Variants in OPCML observed in about 807,000 individuals in gnomAD.
The protein encoded by OPCML is opioid-binding protein/cell adhesion molecule.
OPCML carries 13 observed loss-of-function variants against 37.8 expected under a neutral mutation model. The ratio of observed to expected loss-of-function variants is 0.34; its 90% CI spans 0.22 to 0.55. The LOEUF is 0.55. Ranked by LOEUF, OPCML falls within the 20% of genes least tolerant of loss-of-function variation. The pLI is 0.91. For synonymous variants in OPCML, 176 were observed against 168.8 expected (o/e 1.04, Z -0.33); for missense variants, 341 against 435.6 (o/e 0.78, Z 1.93).
rs545501966 is a variant in OPCML, at chr11:133,212,028, C to G, written c.62-269018G>C. Among the ~76,000 whole-genome samples the G allele has an allele frequency of 1.1e-4, 17 of 152,246 alleles. No homozygotes were observed. The highest frequency in any genetic ancestry group is 4.1e-4 in the African/African-American group (17 of 41,544). Reference sequence around the variant, plus strand: ...CCTGATAGCAGATTGACCGTGCCAGCTGTCACTTTTACAATCTCCATCACT... The same window carrying G: ...CCTGATAGCAGATTGACCGTGCCAGGTGTCACTTTTACAATCTCCATCACT... On this transcript the variant is annotated intron_variant, in intron 1 of 7. Coordinates refer to ENST00000524381, the MANE Select transcript of OPCML (RefSeq NM_001012393.5). This position sits in a 1 kb window ranked among gnomAD's most constrained non-coding sequence, Gnocchi z 4.9.
chr11:133,465,729 C>A (rs1043328563), intron 1 of OPCML, among the ~76,000 whole-genome samples: 1 of 152,140 alleles, frequency 6.6e-6, no homozygotes, highest in Admixed American at 6.6e-5. Flanking sequence ...TGAACTTGGG[C>A]AGACAATGTA....
rs140856695 is a variant in OPCML, at chr11:133,104,277, C to T, written c.62-161267G>A. Among the ~76,000 whole-genome samples, 145 of 152,268 alleles carry T rather than the reference C, an allele frequency of 9.5e-4. 2 individuals are homozygous for T. In the East Asian group the frequency reaches 0.024, roughly 26 times the overall value. ...CAGGCAGCAGGAGCTGTCCAGAGTA[C>T]GGAAGAGTCATCATAAATTCCTCCC... On this transcript the variant is annotated intron_variant, in intron 1 of 7. Coordinates refer to ENST00000524381, the MANE Select transcript of OPCML (RefSeq NM_001012393.5).
intron 2 of OPCML, among the ~76,000 whole-genome samples, chr11:132,881,388 G>T (rs1253869527): frequency 2.0e-5 from 3 of 152,194 alleles, no homozygotes; most frequent in Non-Finnish European, 4.4e-5. Flanking sequence ...GAAGGGGCAT[G>T]AAGCACAAAC....
chr11:132,891,455 T>C (rs1370550968), intron 2 of OPCML, among the ~76,000 whole-genome samples: 2 of 152,148 alleles, frequency 1.3e-5, no homozygotes, highest in African/African-American at 4.8e-5. Context: ...AATAAACAAA[T>C]TAGAATATAA....
intron 4 of OPCML, among the ~76,000 whole-genome samples, chr11:132,471,046 A>C (rs2096136589): frequency 6.6e-6 from 1 of 152,206 alleles, no homozygotes; most frequent in Admixed American, 6.5e-5. Context: ...AGTCAAGAAA[A>C]GTGGTTCGAA....
intron 1 of OPCML, among the ~76,000 whole-genome samples, chr11:133,485,864 G>A (rs1024650467): frequency 1.3e-5 from 2 of 152,094 alleles, no homozygotes; most frequent in East Asian, 1.9e-4. Flanking sequence ...CTTGTCCAAC[G>A]TTTCACAGTC....
intron 3 of OPCML, among the ~76,000 whole-genome samples, chr11:132,605,413 A>G (rs1349218809): frequency 6.6e-6 from 1 of 151,162 alleles, no homozygotes; most frequent in Admixed American, 6.6e-5. Context: ...AAAAAAAAAA[A>G]GTTAGCTGAG....
At chr11:132,893,715 T>C (rs1943736448) in intron 2 of OPCML, among the ~76,000 whole-genome samples, 1 of 152,254 alleles carries the variant, frequency 6.6e-6, no homozygotes. Context: ...TTGCCAGTGG[T>C]CTGGCACCTT....
intron 1 of OPCML, among the ~76,000 whole-genome samples, chr11:133,058,515 A>T (rs1249159014): frequency 6.6e-6 from 1 of 152,146 alleles, no homozygotes; most frequent in Non-Finnish European, 1.5e-5. Flanking sequence ...CTCCTCAACC[A>T]GTTAGGGACT....
intron 3 of OPCML, among the ~76,000 whole-genome samples, chr11:132,557,379 C>A (rs1291725412): frequency 6.6e-6 from 1 of 152,292 alleles, no homozygotes; most frequent in East Asian, 1.9e-4. Context: ...TAGGATATTA[C>A]GACTTGGTTT....
intron 3 of OPCML, among the ~76,000 whole-genome samples, chr11:132,651,452 A>T (rs1941423669): frequency 6.6e-6 from 1 of 152,206 alleles, no homozygotes; most frequent in Admixed American, 6.5e-5. Context: ...TCGTGAGAAA[A>T]GCTTAACCTC....
intron 1 of OPCML, among the ~76,000 whole-genome samples, chr11:133,333,983 T>G (rs1943684068): frequency 6.6e-6 from 1 of 152,112 alleles, no homozygotes; most frequent in African/African-American, 2.4e-5. Flanking sequence ...TATAATAAGT[T>G]AAAAAATAAC....
At chr11:132,827,446 AT>A (rs1201420236) in intron 2 of OPCML, among the ~76,000 whole-genome samples, 1 of 152,232 alleles carries the variant, frequency 6.6e-6, no homozygotes, top group African/African-American at 2.4e-5. Context: ...AGGAACTCTC[AT>A]TCATTGCTGA....
At chr11:132,870,604 T>C (rs914412961) in intron 2 of OPCML, among the ~76,000 whole-genome samples, 1 of 152,190 alleles carries the variant, frequency 6.6e-6, no homozygotes, top group African/African-American at 2.4e-5. Flanking sequence ...TGCCCTCTCA[T>C]GTTCATCGCA....
At chr11:133,237,031 G>A (rs775902378) in intron 1 of OPCML, among the ~76,000 whole-genome samples, 2 of 152,190 alleles carry the variant, frequency 1.3e-5, no homozygotes, top group South Asian at 2.1e-4. Flanking sequence ...TTCAAGTGCT[G>A]TTTCTTTACA....
intron 2 of OPCML, among the ~76,000 whole-genome samples, chr11:132,929,209 G>A (rs1017824356): frequency 6.6e-6 from 1 of 151,708 alleles, no homozygotes; most frequent in African/African-American, 2.4e-5. Flanking sequence ...ACTTTAGCTA[G>A]ATTGACTAAG....
At chr11:133,343,874 AAC>A (rs1195037496) in intron 1 of OPCML, among the ~76,000 whole-genome samples, 7 of 152,214 alleles carry the variant, frequency 4.6e-5, no homozygotes, top group African/African-American at 1.4e-4. Flanking sequence ...GTACAATTTA[AAC>A]ACAGTCATTA....
intron 1 of OPCML, among the ~76,000 whole-genome samples, chr11:133,359,149 G>A (rs1367648998): frequency 6.6e-6 from 1 of 152,166 alleles, no homozygotes; most frequent in African/African-American, 2.4e-5. Flanking sequence ...TGATTCGCTT[G>A]CTATTCCCTA....
chr11:133,055,839 C>T (rs1302517573), intron 1 of OPCML, among the ~76,000 whole-genome samples: 2 of 150,650 alleles, frequency 1.3e-5, no homozygotes, highest in East Asian at 2.0e-4. Context: ...CATGAGGGAG[C>T]CGCCTCTACC....
Sources: allele counts gnomAD v4.1 joint callset (sites outside exome capture counted in the v4.1 genomes callset), GRCh38; gene constraint gnomAD v4.1.1; non-coding constraint Gnocchi (gnomAD v3.1); transcripts MANE v1.5; gene names NCBI Gene and HGNC (gene_info 2026-07-23, HGNC 2026-07-21).